The following ONECUT2 variants were observed in gnomAD, a reference collection of about 807,000 sequenced individuals.
ONECUT2 encodes the protein one cut domain family member 2.
In ONECUT2, 10 loss-of-function variants were observed where a neutral mutation model predicts 27.9. The ratio of observed to expected loss-of-function variants is 0.36; its 90% CI spans 0.22 to 0.61. The LOEUF is 0.61. ONECUT2 is among the 20% of genes least tolerant of loss of function. ONECUT2 has a pLI of 0.73. For missense variants in ONECUT2, 686 were observed against 721.0 expected, an observed-to-expected ratio of 0.95 and a Z score of 0.56; for synonymous variants, 334 against 315.1, an observed-to-expected ratio of 1.06 and a Z score of -0.64.
At chr18:57,464,745 G>A (rs1037905707) in intron 1 of ONECUT2, among the ~76,000 whole-genome samples, 23 of 152,262 alleles carry the variant, frequency 1.5e-4, no homozygotes, top group African/African-American at 5.3e-4. Context: ...TTAACAAAGA[G>A]GTGCTCTTCA....
In ONECUT2 at chr18:57,435,685, G is replaced by GC; in HGVS notation, c.-27dup. 5.4e-5 allele frequency: 22 copies of GC among 406,660 alleles called. No individual in the cohort carries two copies. The highest frequency in any genetic ancestry group is 7.2e-5 in the Non-Finnish European group (20 of 278,536). The allele number at this position is 406,660 out of a possible 1,614,324, so 25.2% of individuals were successfully genotyped here. ...TGCCCGCCCGCCGGCCGCCCCCGCCGCCCCCGCCGCCCCCGGGCCCTGATG... is the reference window on the plus strand; with the variant it reads ...TGCCCGCCCGCCGGCCGCCCCCGCCGCCCCCCGCCGCCCCCGGGCCCTGATG... On this transcript the variant is annotated 5_prime_UTR_variant, in exon 1 of 2. Coordinates refer to ENST00000491143, the MANE Select transcript of ONECUT2 (RefSeq NM_004852.3).
intron 1 of ONECUT2, among the ~76,000 whole-genome samples, chr18:57,462,417 G>A (rs536330421): frequency 1.3e-5 from 2 of 152,118 alleles, no homozygotes; most frequent in Admixed American, 6.5e-5. Context: ...ACAGGGTCTC[G>A]CTCTGTTACC....
At chr18:57,440,316 GGAGT>G (rs1233487798) in intron 1 of ONECUT2, among the ~76,000 whole-genome samples, 2 of 152,338 alleles carry the variant, frequency 1.3e-5, no homozygotes, top group East Asian at 3.9e-4. Context: ...AAACAAGAAG[GGAGT>G]GAGAGAACCC....
intron 1 of ONECUT2, among the ~76,000 whole-genome samples, chr18:57,456,630 G>A (rs997402901): frequency 3.3e-5 from 5 of 152,178 alleles, no homozygotes; most frequent in Non-Finnish European, 7.3e-5. Context: ...TAGAGTTTTA[G>A]TTCTGCAAGA....
chr18:57,445,632 C>T (rs12967256), intron 1 of ONECUT2, among the ~76,000 whole-genome samples: 5,193 of 152,142 alleles, frequency 0.034, 475 homozygotes, highest in East Asian at 0.32. Context: ...ATCTGCTGAG[C>T]GAGTTCAAAG....
chr18:57,442,996 C>A (rs2050183969), intron 1 of ONECUT2, among the ~76,000 whole-genome samples: 1 of 152,164 alleles, frequency 6.6e-6, no homozygotes, highest in South Asian at 2.1e-4. Context: ...GAGAGAGAGC[C>A]TCCCCACCAG....
rs115456877 is a variant in ONECUT2 at position 57,452,852 on chromosome 18, A to T, written c.1228+15908A>T. On this transcript the variant is annotated intron_variant, in intron 1 of 1. Transcript: ENST00000491143. Reference sequence around the variant, plus strand: ...TACAGAATTAAGGCATCCAATTCAGATCTCAATTATTTTGTGTTAAGAAAA... The same window carrying T: ...TACAGAATTAAGGCATCCAATTCAGTTCTCAATTATTTTGTGTTAAGAAAA... Among the ~76,000 whole-genome samples, 1,301 of 152,366 alleles carry T rather than the reference A, an allele frequency of 8.5e-3. 20 individuals carry two copies. Among genetic ancestry groups the T allele is most frequent in the African/African-American group, 0.026 (1,069 of 41,580 alleles).
At chr18:57,454,978 T>C (rs773374791) in intron 1 of ONECUT2, among the ~76,000 whole-genome samples, 4 of 152,194 alleles carry the variant, frequency 2.6e-5, no homozygotes, top group Non-Finnish European at 5.9e-5. Context: ...CATATAAAAA[T>C]GGCAACTGAG....
chr18:57,451,459 G>T (rs1291742567), intron 1 of ONECUT2, among the ~76,000 whole-genome samples: 3 of 152,190 alleles, frequency 2.0e-5, no homozygotes, highest in Admixed American at 6.5e-5. Flanking sequence ...CAATGGGGGA[G>T]TCAGAGGCCA....
In ONECUT2 at chr18:57,436,910, C is replaced by G. The variant is rs754052864; in HGVS notation, c.1194C>G (p.Pro398=). Residue 398 remains proline, a synonymous_variant, in exon 1 of 2, where the codon CCC becomes CCG. Coordinates refer to ENST00000491143, the MANE Select transcript of ONECUT2 (RefSeq NM_004852.3). This position sits in a 1 kb window ranked among gnomAD's most constrained non-coding sequence, Gnocchi z 5.9. ...FRRMWKWLQE[P]EFQRMSALRL... The stretch of plus-strand genomic sequence containing the variant: ...GGATGTGGAAGTGGCTTCAGGAGCC[C>G]GAGTTCCAGCGCATGTCCGCCTTAC... 8 of 1,610,406 alleles carry G rather than the reference C, an allele frequency of 5.0e-6. No individual in the cohort carries two copies. The African/African-American group carries it at 9.4e-5, about 19-fold the overall frequency.
At chr18:57,450,440 T>C (rs1188810233) in intron 1 of ONECUT2, among the ~76,000 whole-genome samples, 1 of 152,218 alleles carries the variant, frequency 6.6e-6, no homozygotes, top group Non-Finnish European at 1.5e-5. Flanking sequence ...TCCTAAAGTA[T>C]TGGGATTACA....
At chr18:57,457,943 C>T (rs1038508700) in intron 1 of ONECUT2, among the ~76,000 whole-genome samples, 9 of 150,618 alleles carry the variant, frequency 6.0e-5, no homozygotes, top group African/African-American at 1.2e-4. Context: ...GGACACAGGG[C>T]GGGGAACATC....
Position 57,484,484 on chromosome 18 carries a change from A to G in ONECUT2, c.*7761A>G, listed in dbSNP as rs2050429714. The G allele has an allele frequency of 6.6e-6, 1 of 152,566 alleles. No homozygotes were observed. The highest frequency in any genetic ancestry group is 1.5e-5 in the Non-Finnish European group (1 of 68,020). 9.5% of individuals were successfully genotyped at this position (152,566 alleles called of 1,614,324 possible). A position where few individuals can be genotyped will look rare whatever the true frequency, so the allele number is the denominator to read the frequency against. ...AAGGGATATTTTCTGTGTTTCTCTT[A>G]TATGTTTGCTGTCTGCTCGACATGT... On this transcript the variant is annotated 3_prime_UTR_variant, in exon 2 of 2. Transcript: ENST00000491143.
intron 1 of ONECUT2, among the ~76,000 whole-genome samples, chr18:57,449,299 A>G (rs1387490904): frequency 1.3e-5 from 2 of 152,220 alleles, no homozygotes; most frequent in Non-Finnish European, 2.9e-5. Context: ...TACAGCATAC[A>G]GGAGGCAGCC....
intron 1 of ONECUT2, among the ~76,000 whole-genome samples, chr18:57,472,146 G>A (rs555863143): frequency 7.2e-5 from 11 of 152,332 alleles, no homozygotes; most frequent in African/African-American, 2.6e-4. Flanking sequence ...TGGAACACCT[G>A]CTGTTTCGTT....
At chr18:57,437,354 C>T (rs1305081830) in intron 1 of ONECUT2, among the ~76,000 whole-genome samples, 1 of 152,230 alleles carries the variant, frequency 6.6e-6, no homozygotes, top group African/African-American at 2.4e-5. Context: ...TTCAAAACCC[C>T]ATGCACTTCA....
intron 1 of ONECUT2, among the ~76,000 whole-genome samples, chr18:57,469,576 G>A (rs752736061): frequency 2.0e-5 from 3 of 152,170 alleles, no homozygotes; most frequent in East Asian, 1.9e-4. Flanking sequence ...GTAAAAACAC[G>A]TCGTAGTCTT....
intron 1 of ONECUT2, among the ~76,000 whole-genome samples, chr18:57,473,531 G>A (rs967544634): frequency 6.6e-6 from 1 of 152,142 alleles, no homozygotes; most frequent in Admixed American, 6.5e-5. Context: ...TTGGAGGTGT[G>A]GAAGCCCAGG....
intron 1 of ONECUT2, among the ~76,000 whole-genome samples, chr18:57,455,020 T>C (rs543180117): frequency 5.9e-4 from 90 of 152,346 alleles, no homozygotes; most frequent in South Asian, 1.0e-3. Context: ...GTCTCTATAA[T>C]GATCACAGGT....
Sources: gnomAD v4.1 joint callset for allele counts (sites outside exome capture counted in the v4.1 genomes callset) on GRCh38, gnomAD v4.1.1 for gene constraint, Gnocchi (gnomAD v3.1) non-coding constraint, MANE v1.5 for transcripts, NCBI Gene and HGNC (gene_info 2026-07-23, HGNC 2026-07-21) for gene names.